Variants in NRXN1 observed in about 807,000 individuals in gnomAD.
NRXN1 encodes neurexin 1.
Under a neutral mutation model 150.9 loss-of-function variants are expected in NRXN1, and 39 were observed. The observed-to-expected ratio is 0.26, with a 90% CI of 0.20 to 0.34. The LOEUF (loss-of-function observed/expected upper bound fraction) is 0.34. NRXN1 is among the 10% of genes least tolerant of loss of function. NRXN1 has a pLI of 1.00. For synonymous variants in NRXN1, 924 were observed against 757.0 expected (o/e 1.22, Z -3.62); for missense variants, 1,815 against 1,949.9 (o/e 0.93, Z 1.30).
intron 21 of NRXN1, chr2:50,023,572 G>C (rs1181326401): frequency 6.6e-6 from 1 of 152,150 alleles, no homozygotes; most frequent in Admixed American, 6.5e-5. Flanking sequence ...CTTCATGGAG[G>C]TTTAATCAGC....
At chr2:49,934,092 C>T (rs1253390509) in intron 22 of NRXN1, among the ~76,000 whole-genome samples, 1 of 152,262 alleles carries the variant, frequency 6.6e-6, no homozygotes, top group East Asian at 1.9e-4. Context: ...GAGTGAATTA[C>T]ATTTCTCTCT....
At chr2:50,003,173 G>A (rs975054978) in intron 21 of NRXN1, among the ~76,000 whole-genome samples, 1 of 152,072 alleles carries the variant, frequency 6.6e-6, no homozygotes, top group South Asian at 2.1e-4. Context: ...ATATGGAATA[G>A]GGTCCATATA....
chr2:50,278,603 T>C (rs1055135198), intron 17 of NRXN1, among the ~76,000 whole-genome samples: 11 of 151,966 alleles, frequency 7.2e-5, no homozygotes, highest in Admixed American at 2.0e-4. Flanking sequence ...CGATTTGTTT[T>C]AAGCTGCTTA....
chr2:50,113,817 G>A (rs1267679713), intron 18 of NRXN1, among the ~76,000 whole-genome samples: 1 of 152,078 alleles, frequency 6.6e-6, no homozygotes, highest in Non-Finnish European at 1.5e-5. Flanking sequence ...GCCTTCCTAT[G>A]AAACTCCCAA....
chr2:50,651,626 C>T (rs969877357), intron 5 of NRXN1, among the ~76,000 whole-genome samples: 6 of 151,896 alleles, frequency 4.0e-5, no homozygotes, highest in East Asian at 1.9e-4. Context: ...CACTGCACTC[C>T]GGCCTGAATG....
At chr2:50,825,464 A>G (rs904161333) in intron 5 of NRXN1, among the ~76,000 whole-genome samples, 6 of 152,132 alleles carry the variant, frequency 3.9e-5, no homozygotes, top group African/African-American at 7.2e-5. Context: ...CCAATGACCA[A>G]TGATTTAATC....
At chr2:50,260,905 G>C (rs2068202458) in intron 17 of NRXN1, among the ~76,000 whole-genome samples, 3 of 151,602 alleles carry the variant, frequency 2.0e-5, no homozygotes. Context: ...CCAAAGTACA[G>C]ATTCAATTTT....
At chr2:50,926,289 CT>C (rs2104338044) in intron 2 of NRXN1, among the ~76,000 whole-genome samples, 1 of 151,916 alleles carries the variant, frequency 6.6e-6, no homozygotes, top group African/African-American at 2.4e-5. Context: ...TTTTTAAAAG[CT>C]TTTTTGTTTT....
At position 50,110,126 on chromosome 2, in the gene NRXN1, A is replaced by G. The variant is rs185713516; in HGVS notation, c.3547-18632T>C. ...AAGGCCAATGTGTAATGCAAGAAAC[A>G]AGTAGGACACAGGGAAAAGCAATAG... On this transcript the variant is annotated intron_variant, in intron 18 of 22. Coordinates refer to ENST00000401669, the MANE Select transcript of NRXN1 (RefSeq NM_001330078.2). Among the ~76,000 whole-genome samples, 110 of 152,318 alleles carry G rather than the reference A, an allele frequency of 7.2e-4. 1 individual carries two copies. The highest frequency in any genetic ancestry group is 2.4e-3 in the African/African-American group (100 of 41,572).
chr2:50,648,338 G>A (rs746593709), intron 5 of NRXN1, among the ~76,000 whole-genome samples: 2 of 151,960 alleles, frequency 1.3e-5, no homozygotes, highest in Non-Finnish European at 2.9e-5. Flanking sequence ...TTTTGTCAGG[G>A]AAAATCCCTT....
At chr2:50,864,027 A>C (rs531354992) in intron 5 of NRXN1, among the ~76,000 whole-genome samples, 2 of 152,006 alleles carry the variant, frequency 1.3e-5, no homozygotes, top group East Asian at 3.9e-4. Flanking sequence ...GTGTGTAAAC[A>C]GCAGGATTAG....
chr2:50,693,770 A>G (rs1692403531), intron 5 of NRXN1, among the ~76,000 whole-genome samples: 1 of 152,158 alleles, frequency 6.6e-6, no homozygotes, highest in Admixed American at 6.5e-5. Flanking sequence ...AGTATACTTC[A>G]TAGCATTTAA....
intron 17 of NRXN1, among the ~76,000 whole-genome samples, chr2:50,299,616 A>ACAT (rs1159592707): frequency 6.6e-6 from 1 of 152,158 alleles, no homozygotes; most frequent in Non-Finnish European, 1.5e-5. Context: ...CATATTAAAA[A>ACAT]CATAGTATAA....
intron 5 of NRXN1, among the ~76,000 whole-genome samples, chr2:50,720,804 A>T (rs1345357865): frequency 6.6e-6 from 1 of 152,142 alleles, no homozygotes; most frequent in Middle Eastern, 3.2e-3. Flanking sequence ...GAAAGCTCCC[A>T]GGTGCCACTT....
At chr2:50,639,202 T>C (rs12713119) in intron 5 of NRXN1, among the ~76,000 whole-genome samples, 25,857 of 123,466 alleles carry the variant, frequency 0.21, 2,870 homozygotes, top group East Asian at 0.33. Context: ...TTTATCATTT[T>C]TTTCTTTCTT....
chr2:50,006,817 T>C (rs1001520569), intron 21 of NRXN1, among the ~76,000 whole-genome samples: 1 of 152,122 alleles, frequency 6.6e-6, no homozygotes, highest in Non-Finnish European at 1.5e-5. Context: ...GGATAAATCA[T>C]GTTTTGTTTA....
intron 17 of NRXN1, among the ~76,000 whole-genome samples, chr2:50,282,100 G>T (rs895504308): frequency 3.3e-5 from 5 of 152,096 alleles, no homozygotes; most frequent in Non-Finnish European, 7.4e-5. Flanking sequence ...TATGGTCTTT[G>T]CTGTGTGTGT....
intron 18 of NRXN1, among the ~76,000 whole-genome samples, chr2:50,205,551 TA>T (rs1290648732): frequency 5.3e-5 from 8 of 152,022 alleles, no homozygotes; most frequent in Non-Finnish European, 1.2e-4. Context: ...ATACGGAATA[TA>T]TGTTATAAAA....
chr2:50,649,580 C>T (rs1685311762), intron 5 of NRXN1, among the ~76,000 whole-genome samples: 1 of 151,946 alleles, frequency 6.6e-6, no homozygotes. Context: ...CTGTTACCCC[C>T]TCTTTGCTTG....
Sources: gnomAD v4.1 joint callset for allele counts (sites outside exome capture counted in the v4.1 genomes callset) on GRCh38, gnomAD v4.1.1 for gene constraint, MANE v1.5 for transcripts, NCBI Gene and HGNC (gene_info 2026-07-23, HGNC 2026-07-21) for gene names.